Variants in RIMS2 observed in about 807,000 individuals in gnomAD.
RIMS2 encodes regulating synaptic membrane exocytosis protein 2.
In RIMS2, 59 loss-of-function variants were observed where a neutral mutation model predicts 174.4. The observed-to-expected ratio is 0.34, with a 90% CI of 0.27 to 0.42. The LOEUF (loss-of-function observed/expected upper bound fraction) is 0.42, where lower values mean the gene tolerates loss of function less well. Among genes scored for constraint, RIMS2 ranks in the 10% least tolerant of loss-of-function variants. The pLI is 1.00. For synonymous variants in RIMS2, 606 were observed against 572.5 expected (o/e 1.06, Z -0.84); for missense variants, 1,620 against 1,666.3 (o/e 0.97, Z 0.48).
At chr8:103,641,689 G>A (rs1045165140) in intron 1 of RIMS2, among the ~76,000 whole-genome samples, 1 of 152,002 alleles carries the variant, frequency 6.6e-6, no homozygotes, top group South Asian at 2.1e-4. Context: ...TGGGGGTGGA[G>A]GGTAAGTGAA....
chr8:103,737,020 T>C (rs2097693127), intron 2 of RIMS2, among the ~76,000 whole-genome samples: 1 of 152,020 alleles, frequency 6.6e-6, no homozygotes, highest in Non-Finnish European at 1.5e-5. Flanking sequence ...TGTACCAATA[T>C]TTTCTAAATG....
chr8:103,696,570 A>G (rs2097103184), intron 1 of RIMS2, among the ~76,000 whole-genome samples: 1 of 152,200 alleles, frequency 6.6e-6, no homozygotes, highest in Admixed American at 6.5e-5. Flanking sequence ...TTTAATATGT[A>G]TATTAGAAGG....
At chr8:104,205,285 C>G (rs2099074650) in intron 19 of RIMS2, among the ~76,000 whole-genome samples, 1 of 152,132 alleles carries the variant, frequency 6.6e-6, no homozygotes, top group Admixed American at 6.5e-5. Context: ...CTTTCTCCCT[C>G]CTGTGTTATA....
At chr8:103,607,591 A>C (rs1173695947) in intron 1 of RIMS2, among the ~76,000 whole-genome samples, 6 of 145,744 alleles carry the variant, frequency 4.1e-5, no homozygotes, top group Non-Finnish European at 6.0e-5. Context: ...TATCCTGCAG[A>C]GTGTTTTCCA....
chr8:103,734,014 CTT>C (rs59348302), intron 2 of RIMS2, among the ~76,000 whole-genome samples: 2,374 of 85,682 alleles, frequency 0.028, 75 homozygotes, highest in African/African-American at 0.11. Context: ...CTAAAAGCTT[CTT>C]TTTTTTTTTT....
chr8:103,572,510 C>G (rs1341532832), intron 1 of RIMS2, among the ~76,000 whole-genome samples: 1 of 151,980 alleles, frequency 6.6e-6, no homozygotes, highest in Non-Finnish European at 1.5e-5. Flanking sequence ...AATGGACATT[C>G]ACACCAACAG....
In RIMS2 at chr8:103,525,961, C is replaced by T. The variant is rs548675345; in HGVS notation, c.176+24899C>T. ...AACACATCAATGAAGGCTGTGGAGA[C>T]AAGATCCTGGAGAAGAAGGAAACCC... On this transcript the variant is annotated intron_variant, in intron 1 of 23. Transcript: ENST00000504942. 3.3e-5 allele frequency among the ~76,000 whole-genome samples: 5 copies of T among 152,242 alleles called. No individual in the cohort carries two copies. In the East Asian group the frequency reaches 9.7e-4, roughly 29 times the overall value.
chr8:104,140,671 G>A (rs1048118498), intron 19 of RIMS2, among the ~76,000 whole-genome samples: 2 of 152,064 alleles, frequency 1.3e-5, no homozygotes, highest in South Asian at 2.1e-4. Context: ...TTCAGTCCCC[G>A]TATGCCAGAG....
intron 19 of RIMS2, among the ~76,000 whole-genome samples, chr8:104,117,934 C>T (rs2098305807): frequency 6.6e-6 from 1 of 152,038 alleles, no homozygotes; most frequent in Non-Finnish European, 1.5e-5. Flanking sequence ...GAATTGATTT[C>T]TTATTAGTGA....
chr8:103,747,074 T>TG (rs2097828156), intron 2 of RIMS2, among the ~76,000 whole-genome samples: 1 of 125,676 alleles, frequency 8.0e-6, no homozygotes, highest in Non-Finnish European at 1.8e-5. Flanking sequence ...TGATCTTCTT[T>TG]CTTTTTTTTT....
intron 19 of RIMS2, among the ~76,000 whole-genome samples, chr8:104,203,559 A>G (rs1014128671): frequency 7.8e-6 from 1 of 128,128 alleles, no homozygotes. Flanking sequence ...GCTGGAGTTC[A>G]GTGGCGCAAT....
chr8:103,708,944 A>G (rs2097267195), intron 2 of RIMS2, among the ~76,000 whole-genome samples: 1 of 152,072 alleles, frequency 6.6e-6, no homozygotes, highest in South Asian at 2.1e-4. Flanking sequence ...CCTACAGCTC[A>G]CTTATGTTCT....
intron 19 of RIMS2, among the ~76,000 whole-genome samples, chr8:104,200,837 C>T (rs2099051039): frequency 6.6e-6 from 1 of 152,098 alleles, no homozygotes; most frequent in African/African-American, 2.4e-5. Flanking sequence ...TCACTGGAGC[C>T]CAGGAGGTCG....
At chr8:103,956,217 C>T (rs1172683121) in intron 14 of RIMS2, among the ~76,000 whole-genome samples, 1 of 152,166 alleles carries the variant, frequency 6.6e-6, no homozygotes, top group Non-Finnish European at 1.5e-5. Flanking sequence ...ATCAAGCTAC[C>T]ATTGACTTTC....
At chr8:103,947,259 A>G (rs752231187) in intron 14 of RIMS2, among the ~76,000 whole-genome samples, 6 of 152,226 alleles carry the variant, frequency 3.9e-5, no homozygotes, top group Non-Finnish European at 7.3e-5. Flanking sequence ...GACTGCATCA[A>G]AATTTAAAAT....
rs1398068449 is a variant in RIMS2 at position 103,777,815 on chromosome 8, TA to T, written c.698+11286del. The stretch of plus-strand genomic sequence containing the variant: ...GTTATCAAAATTGATTTGTGGACCA[TA>T]AAAAAAATCCACTCTTAAAAAGATA... On this transcript the variant is annotated intron_variant, in intron 3 of 23. Transcript: ENST00000504942. Among the ~76,000 whole-genome samples, 9 of 151,878 alleles carry T rather than the reference TA, an allele frequency of 5.9e-5. No individual in the cohort carries two copies. In the South Asian group the frequency reaches 1.5e-3, roughly 25 times the overall value.
At chr8:103,691,691 C>T (rs927985359) in intron 1 of RIMS2, among the ~76,000 whole-genome samples, 2 of 152,114 alleles carry the variant, frequency 1.3e-5, no homozygotes, top group Admixed American at 1.3e-4. Context: ...TCCCTAGTGC[C>T]TTACTTAGTT....
At chr8:103,920,321 G>A (rs1170039756) in intron 9 of RIMS2, among the ~76,000 whole-genome samples, 2 of 151,780 alleles carry the variant, frequency 1.3e-5, no homozygotes, top group African/African-American at 4.8e-5. Context: ...TACATGCCTG[G>A]ATGTTCAAAG....
chr8:104,170,866 C>A (rs2098828157), intron 19 of RIMS2, among the ~76,000 whole-genome samples: 1 of 151,968 alleles, frequency 6.6e-6, no homozygotes, highest in South Asian at 2.1e-4. Flanking sequence ...AGCAAATCCC[C>A]TCAAGATTTG....
Sources: allele counts gnomAD v4.1 joint callset (sites outside exome capture counted in the v4.1 genomes callset), GRCh38; gene constraint gnomAD v4.1.1; transcripts MANE v1.5; gene names NCBI Gene and HGNC (gene_info 2026-07-23, HGNC 2026-07-21).